LMBRD1: variants seen among roughly 807,000 people sequenced by gnomAD.
The protein encoded by LMBRD1 is LMBR1 domain containing 1.
Under a neutral mutation model 74.8 loss-of-function variants are expected in LMBRD1, and 64 were observed. The observed-to-expected ratio is 0.86, with a 90% CI of 0.70 to 1.05. The LOEUF (loss-of-function observed/expected upper bound fraction) is 1.05. Ranked by LOEUF, LMBRD1 falls within the 50% of genes least tolerant of loss-of-function variation. LMBRD1 has a pLI of 0.00. For missense variants in LMBRD1, 652 were observed against 645.9 expected, an observed-to-expected ratio of 1.01 and a Z score of -0.10; for synonymous variants, 204 against 216.3, an observed-to-expected ratio of 0.94 and a Z score of 0.50.
intron 14 of LMBRD1, among the ~76,000 whole-genome samples, chr6:69,680,968 T>A (rs1765648367): frequency 2.0e-5 from 3 of 152,196 alleles, no homozygotes; most frequent in South Asian, 4.1e-4. Flanking sequence ...AGGTTCTGAA[T>A]TTGGTTTTAC....
At chr6:69,794,413 G>A (rs528138626) in intron 1 of LMBRD1, among the ~76,000 whole-genome samples, 1 of 152,326 alleles carries the variant, frequency 6.6e-6, no homozygotes, top group African/African-American at 2.4e-5. Flanking sequence ...CGTACATAAA[G>A]TCCTGCTGCA....
chr6:69,740,505 T>C (rs575441375), intron 6 of LMBRD1, among the ~76,000 whole-genome samples: 1 of 152,156 alleles, frequency 6.6e-6, no homozygotes, highest in Non-Finnish European at 1.5e-5. Context: ...GGTACATAAA[T>C]CTGACAATTC....
intron 3 of LMBRD1, among the ~76,000 whole-genome samples, chr6:69,762,646 C>T (rs987050772): frequency 3.9e-5 from 6 of 152,100 alleles, no homozygotes; most frequent in Non-Finnish European, 7.4e-5. Context: ...TGTTGAAACC[C>T]TAACTCCCAA....
rs1765808669 is a variant in LMBRD1 at position 69,780,549 on chromosome 6, C to T, written c.252G>A (p.Trp84Ter). The T allele has an allele frequency of 6.2e-7, 1 of 1,604,490 alleles. No individual in the cohort carries two copies. Among genetic ancestry groups the T allele is most frequent in the Admixed American group, 1.7e-5 (1 of 59,974 alleles). The change falls in exon 3 of 16, where the codon TGG (tryptophan) becomes TGA (stop). Residue 84 changes from tryptophan to a stop codon, truncating the protein, a stop_gained. Coordinates refer to ENST00000649934, the MANE Select transcript of LMBRD1 (RefSeq NM_018368.4). LOFTEE classifies it high-confidence loss of function. Reference protein sequence around the residue: ...MKNQNGTFKDWANANVSRQIE... With the variant: ...MKNQNGTFKD ...TCTGTCTGCTGACATTAGCATTAGCCCAGTCCTAGGATAAAAGGAAACAAT... is the reference window on the plus strand; with the variant it reads ...TCTGTCTGCTGACATTAGCATTAGCTCAGTCCTAGGATAAAAGGAAACAAT...
chr6:69,713,913 T>G (rs963885168), intron 8 of LMBRD1, 116 bp from the exon 9 acceptor site: 1 of 1,095,014 alleles, frequency 9.1e-7, no homozygotes, highest in African/African-American at 1.6e-5. Context: ...TTAGGCAAAT[T>G]TACAAACTAA....
chr6:69,795,691 T>TTG (rs898210749), intron 1 of LMBRD1, among the ~76,000 whole-genome samples: 8 of 152,232 alleles, frequency 5.3e-5, no homozygotes, highest in Non-Finnish European at 1.2e-4. Flanking sequence ...AAGAGAGGAC[T>TTG]AACATGTTCC....
At chr6:69,721,926 A>T (rs549323916) in intron 7 of LMBRD1, among the ~76,000 whole-genome samples, 2 of 152,050 alleles carry the variant, frequency 1.3e-5, no homozygotes, top group Non-Finnish European at 2.9e-5. Context: ...GCCTGGTGGA[A>T]CCCCATGGAA....
intron 3 of LMBRD1, among the ~76,000 whole-genome samples, chr6:69,754,733 TAAAC>T (rs1765233490): frequency 6.6e-6 from 1 of 152,152 alleles, no homozygotes; most frequent in African/African-American, 2.4e-5. Context: ...GCAAGGAACT[TAAAC>T]AAATTTACAA....
chr6:69,679,827 T>C (rs942346576), intron 14 of LMBRD1, among the ~76,000 whole-genome samples: 1 of 152,068 alleles, frequency 6.6e-6, no homozygotes. Flanking sequence ...AGAATTGCTA[T>C]AAAGATCATA....
chr6:69,705,740 CT>C (rs2149847877), intron 9 of LMBRD1: 1 of 1,188,730 alleles, frequency 8.4e-7, no homozygotes, highest in Non-Finnish European at 1.2e-6. Flanking sequence ...GGACAGACCA[CT>C]TTCCAGATAT....
chr6:69,713,602 C>A, intron 9 of LMBRD1, 43 bp downstream of exon 9: 1 of 1,605,050 alleles, frequency 6.2e-7, no homozygotes, highest in Non-Finnish European at 8.5e-7. Flanking sequence ...ACTACATAAA[C>A]TTGGGGAAGA....
intron 14 of LMBRD1, among the ~76,000 whole-genome samples, chr6:69,676,778 A>G (rs1349164859): frequency 6.6e-6 from 1 of 152,146 alleles, no homozygotes; most frequent in Non-Finnish European, 1.5e-5. Flanking sequence ...AATGCCACCA[A>G]TGCAATCCAG....
chr6:69,749,434 AAC>A (rs1453476587), intron 4 of LMBRD1, 26 bp from the exon 5 acceptor site: 1 of 1,547,400 alleles, frequency 6.5e-7, no homozygotes, highest in African/African-American at 1.4e-5. Flanking sequence ...AAAAAAGTAT[AAC>A]ATTTAGCAAG....
chr6:69,695,377 A>G (rs568449838), intron 14 of LMBRD1, among the ~76,000 whole-genome samples: 35 of 152,164 alleles, frequency 2.3e-4, no homozygotes, highest in African/African-American at 7.2e-4. Context: ...CCCTTAAATA[A>G]TGATTATCCT....
At chr6:69,705,700 T>C (rs1053461851) in intron 9 of LMBRD1, 6 of 1,046,402 alleles carry the variant, frequency 5.7e-6, no homozygotes, top group Non-Finnish European at 7.3e-6. Context: ...AGTTTTACTT[T>C]TTTCTGTGGA....
At chr6:69,744,060 AC>A (rs1767165180) in intron 5 of LMBRD1, among the ~76,000 whole-genome samples, 1 of 152,234 alleles carries the variant, frequency 6.6e-6, no homozygotes, top group Non-Finnish European at 1.5e-5. Flanking sequence ...GAGGAAAGAA[AC>A]AGCAGTTAAA....
intron 7 of LMBRD1, among the ~76,000 whole-genome samples, chr6:69,731,151 G>A (rs116000583): frequency 0.016 from 2,468 of 152,162 alleles, 53 homozygotes; most frequent in African/African-American, 0.055. Flanking sequence ...AGTAGAGGCC[G>A]TTAAGGGTAG....
At chr6:69,762,377 G>A (rs922936362) in intron 3 of LMBRD1, among the ~76,000 whole-genome samples, 1 of 151,196 alleles carries the variant, frequency 6.6e-6, no homozygotes, top group South Asian at 2.1e-4. Context: ...TTGTGTGGCC[G>A]AGACAAGAGG....
Position 69,711,479 on chromosome 6 carries a change from G to A in LMBRD1, c.915+2166C>T, listed in dbSNP as rs533258532. On this transcript the variant is annotated intron_variant, in intron 9 of 15. Coordinates refer to ENST00000649934, the MANE Select transcript of LMBRD1 (RefSeq NM_018368.4). ...ATGGAACATAGCATATATAAAAGAA[G>A]GCAGCTGATGTTAGAGACCAGATTA... is the stretch of plus-strand genomic sequence containing the variant. 2.8e-3 allele frequency among the ~76,000 whole-genome samples: 433 copies of A among 152,090 alleles called. 2 individuals are homozygous for A. The highest frequency in any genetic ancestry group is 9.9e-3 in the African/African-American group (411 of 41,494).
Sources: gnomAD v4.1 joint callset for allele counts (sites outside exome capture counted in the v4.1 genomes callset) on GRCh38, gnomAD v4.1.1 for gene constraint, MANE v1.5 for transcripts, NCBI Gene and HGNC (gene_info 2026-07-23, HGNC 2026-07-21) for gene names.